The following ASAP1 variants were observed in gnomAD, a reference collection of about 807,000 sequenced individuals.
ASAP1 encodes ArfGAP with SH3 domain, ankyrin repeat and PH domain 1, also known as arf-GAP with SH3 domain, ANK repeat and PH domain-containing protein 1.
A neutral mutation model predicts 145.2 loss-of-function variants in ASAP1; 43 were observed. The observed-to-expected ratio is 0.30, with a 90% confidence interval of 0.23 to 0.38. ASAP1 has a LOEUF of 0.38. Ranked by LOEUF, ASAP1 falls within the 10% of genes least tolerant of loss-of-function variation. ASAP1 has a pLI of 1.00. For synonymous variants in ASAP1, 546 were observed against 515.5 expected (o/e 1.06, Z -0.80); for missense variants, 1,018 against 1,355.3 (o/e 0.75, Z 3.91).
chr8:130,166,886 A>T (rs1173925976), intron 11 of ASAP1, among the ~76,000 whole-genome samples: 6 of 152,354 alleles, frequency 3.9e-5, no homozygotes, highest in African/African-American at 1.4e-4. Flanking sequence ...TTCCCTGGCA[A>T]ATGAGACATG....
intron 24 of ASAP1, among the ~76,000 whole-genome samples, chr8:130,100,270 G>C (rs1249455028): frequency 1.3e-5 from 2 of 152,120 alleles, no homozygotes; most frequent in Non-Finnish European, 2.9e-5. Flanking sequence ...GATTAGTGAT[G>C]TTGAGCATTT....
intron 5 of ASAP1, among the ~76,000 whole-genome samples, chr8:130,196,245 A>G (rs1586571157): frequency 6.6e-6 from 1 of 152,022 alleles, no homozygotes; most frequent in Non-Finnish European, 1.5e-5. Context: ...AGGAGGCTGA[A>G]GCAGGAGAAT....
chr8:130,132,964 T>C (rs1287902099), intron 15 of ASAP1, among the ~76,000 whole-genome samples: 1 of 151,988 alleles, frequency 6.6e-6, no homozygotes, highest in Non-Finnish European at 1.5e-5. Context: ...GTGTGAGCAA[T>C]AACAAAAGTA....
rs771686614 is a variant in ASAP1, at chr8:130,339,602, TC to T, written c.186+18414del. ...AAAAATAGCTTCCTTCCTGACAAAA[TC>T]ATCTTAGGGCTCAAACACAAAAAAA... On this transcript the variant is annotated intron_variant, in intron 3 of 29. Transcript: ENST00000518721. Among the ~76,000 whole-genome samples, 18 of 152,208 alleles carry T rather than the reference TC, an allele frequency of 1.2e-4. 1 individual carries two copies. The East Asian group carries it at 2.5e-3, about 21-fold the overall frequency.
intron 3 of ASAP1, among the ~76,000 whole-genome samples, chr8:130,333,131 T>C (rs1824803455): frequency 6.6e-6 from 1 of 152,156 alleles, no homozygotes; most frequent in Non-Finnish European, 1.5e-5. Flanking sequence ...CAATTATATA[T>C]CTACTCCATA....
chr8:130,169,177 T>C, intron 9 of ASAP1, 110 bp from the exon 10 acceptor site: 2 of 625,684 alleles, frequency 3.2e-6, no homozygotes, highest in Non-Finnish European at 5.6e-6. Flanking sequence ...AATCTGAAAA[T>C]ACACTTATCT....
intron 25 of ASAP1, among the ~76,000 whole-genome samples, chr8:130,087,475 G>GAT (rs2097496147): frequency 6.6e-6 from 1 of 152,090 alleles, no homozygotes; most frequent in Admixed American, 6.6e-5. Flanking sequence ...AGCTGGGACT[G>GAT]CACCACTGCA....
intron 1 of ASAP1, among the ~76,000 whole-genome samples, chr8:130,420,247 C>CAT (rs1829663081): frequency 7.3e-6 from 1 of 136,978 alleles, no homozygotes; most frequent in African/African-American, 2.6e-5. Context: ...CACACACACA[C>CAT]ACACACACAC....
chr8:130,201,332 A>T (rs1815856040), intron 5 of ASAP1, among the ~76,000 whole-genome samples: 1 of 152,216 alleles, frequency 6.6e-6, no homozygotes, highest in African/African-American at 2.4e-5. Flanking sequence ...AAGACAAATT[A>T]CACCATGTGC....
Position 130,060,627 on chromosome 8 carries a change from C to A in ASAP1, c.3144G>T (p.Thr1048=), listed in dbSNP as rs756393405. ...KQASEDSNDL[T]PTLPETPVPL... ...GTACGGGCGTCTCTGGCAGAGTAGG[C>A]GTGAGGTCGTTGGAGTCTTCAGATG... Residue 1048 remains threonine, a synonymous_variant, in exon 28 of 30, where the codon ACG becomes ACT. Coordinates refer to ENST00000518721, the MANE Select transcript of ASAP1 (RefSeq NM_018482.4). 6.2e-7 allele frequency: 1 copy of A among 1,613,866 alleles called. No individual in the cohort carries two copies. Among genetic ancestry groups the A allele is most frequent in the Non-Finnish European group, 8.5e-7 (1 of 1,179,976 alleles).
rs1422098291 is a variant in ASAP1 at position 130,164,725 on chromosome 8, G to GA, written c.909+2810dup. Reference sequence around the variant, plus strand: ...TTGCTAAGACAATAAAAACTTAATAGAAAAAAAATGAGTTTACTGAAATTC... The same window carrying GA: ...TTGCTAAGACAATAAAAACTTAATAGAAAAAAAAATGAGTTTACTGAAATTC... On this transcript the variant is annotated intron_variant, in intron 11 of 29. Coordinates refer to ENST00000518721, the MANE Select transcript of ASAP1 (RefSeq NM_018482.4). Among the ~76,000 whole-genome samples, 8 of 151,916 alleles carry GA rather than the reference G, an allele frequency of 5.3e-5. No individual in the cohort carries two copies. In the South Asian group the frequency reaches 1.0e-3, roughly 20 times the overall value.
At chr8:130,410,337 A>T (rs1829211383) in intron 1 of ASAP1, among the ~76,000 whole-genome samples, 1 of 152,200 alleles carries the variant, frequency 6.6e-6, no homozygotes, top group African/African-American at 2.4e-5. Flanking sequence ...ACATCCTAAG[A>T]ATTTTGTGAC....
chr8:130,125,304 T>C (rs906863776), intron 17 of ASAP1, among the ~76,000 whole-genome samples: 3 of 152,104 alleles, frequency 2.0e-5, no homozygotes, highest in East Asian at 3.9e-4. Flanking sequence ...CTTCTGTATT[T>C]TGGTATATCT....
intron 25 of ASAP1, among the ~76,000 whole-genome samples, chr8:130,088,891 T>C (rs1256699723): frequency 1.3e-5 from 2 of 152,226 alleles, no homozygotes; most frequent in Non-Finnish European, 2.9e-5. Flanking sequence ...CCCCATATTA[T>C]AGTTGGAGAA....
At chr8:130,150,814 A>G (rs570761160) in intron 13 of ASAP1, among the ~76,000 whole-genome samples, 4 of 152,286 alleles carry the variant, frequency 2.6e-5, no homozygotes, top group African/African-American at 9.6e-5. Flanking sequence ...CAGGATGCAG[A>G]GGTTGCAGTA....
intron 7 of ASAP1, among the ~76,000 whole-genome samples, chr8:130,186,488 T>C (rs1814739423): frequency 6.6e-6 from 1 of 152,120 alleles, no homozygotes; most frequent in African/African-American, 2.4e-5. Context: ...ACCCTACTGC[T>C]TGGTGTTACA....
chr8:130,427,195 C>G (rs992337600), intron 1 of ASAP1, among the ~76,000 whole-genome samples: 2 of 152,044 alleles, frequency 1.3e-5, no homozygotes, highest in Non-Finnish European at 2.9e-5. Flanking sequence ...GAAGCCTTTA[C>G]CTGCTTTTCT....
At chr8:130,342,005 T>C (rs1825414514) in intron 3 of ASAP1, among the ~76,000 whole-genome samples, 1 of 152,196 alleles carries the variant, frequency 6.6e-6, no homozygotes, top group Non-Finnish European at 1.5e-5. Flanking sequence ...CATAAGTTGC[T>C]GTAATGCCTC....
chr8:130,192,303 C>T (rs1160320320), intron 5 of ASAP1, among the ~76,000 whole-genome samples: 1 of 148,308 alleles, frequency 6.7e-6, no homozygotes, highest in African/African-American at 2.5e-5. Flanking sequence ...TCAACTATGT[C>T]TATTAGCTGT....
Sources: allele counts gnomAD v4.1 joint callset (sites outside exome capture counted in the v4.1 genomes callset), GRCh38; gene constraint gnomAD v4.1.1; transcripts MANE v1.5; gene names NCBI Gene and HGNC (gene_info 2026-07-23, HGNC 2026-07-21).